Variants in BCAS3 observed in about 807,000 individuals in gnomAD.
BCAS3 encodes BCAS4/BCAS3 fusion.
A neutral mutation model predicts 116.1 loss-of-function variants in BCAS3; 53 were observed. The observed-to-expected ratio is 0.46, with a 90% CI of 0.37 to 0.57. The LOEUF is 0.57. Among genes scored for constraint, BCAS3 ranks in the 20% least tolerant of loss-of-function variants. The pLI is 0.00. For missense variants in BCAS3, 917 were observed against 1,165.4 expected, an observed-to-expected ratio of 0.79 and a Z score of 3.10; for synonymous variants, 391 against 408.2, an observed-to-expected ratio of 0.96 and a Z score of 0.51.
intron 13 of BCAS3, among the ~76,000 whole-genome samples, chr17:60,927,660 T>C (rs1392892946): frequency 6.6e-6 from 1 of 152,186 alleles, no homozygotes; most frequent in Non-Finnish European, 1.5e-5. Context: ...CTTGTTCTGG[T>C]ATTACATAAT....
intron 22 of BCAS3, among the ~76,000 whole-genome samples, chr17:61,090,977 A>G (rs1455463244): frequency 2.0e-5 from 3 of 152,180 alleles, no homozygotes; most frequent in African/African-American, 7.2e-5. Context: ...TAGTATTTAT[A>G]GGATGTTAGA....
chr17:60,718,268 T>C (rs1803257009), intron 5 of BCAS3, among the ~76,000 whole-genome samples: 1 of 150,882 alleles, frequency 6.6e-6, no homozygotes, highest in African/African-American at 2.4e-5. Context: ...TTTTTTCCAG[T>C]TTTTTTTTCA....
chr17:61,040,732 T>C, intron 18 of BCAS3, 60 bp from the exon 19 acceptor site: 2 of 1,352,672 alleles, frequency 1.5e-6, no homozygotes, highest in Non-Finnish European at 2.1e-6. Context: ...ATGACAGTCA[T>C]GGTGATTTAC....
At chr17:61,010,877 T>A (rs997182375) in intron 15 of BCAS3, among the ~76,000 whole-genome samples, 3 of 152,016 alleles carry the variant, frequency 2.0e-5, no homozygotes, top group African/African-American at 7.2e-5. Context: ...CAAGTTTATC[T>A]ATATAGAGTA....
intron 3 of BCAS3, among the ~76,000 whole-genome samples, chr17:60,686,357 T>C (rs1217488184): frequency 6.6e-6 from 1 of 152,142 alleles, no homozygotes; most frequent in Non-Finnish European, 1.5e-5. Context: ...GGAGCCTAGG[T>C]ATTCTCTGGG....
At chr17:60,844,118 C>A (rs142190569) in intron 7 of BCAS3, among the ~76,000 whole-genome samples, 9 of 152,092 alleles carry the variant, frequency 5.9e-5, no homozygotes, top group Non-Finnish European at 1.2e-4. Flanking sequence ...TATAGGCATG[C>A]GCCACCACAC....
At chr17:61,225,159 CT>C (rs5821313) in intron 22 of BCAS3, among the ~76,000 whole-genome samples, 20 of 142,236 alleles carry the variant, frequency 1.4e-4, no homozygotes, top group Admixed American at 3.5e-4. Flanking sequence ...ATCGCTCTGC[CT>C]TTTTTTTTTT....
chr17:60,773,558 A>G (rs1289076826), intron 6 of BCAS3, among the ~76,000 whole-genome samples: 1 of 151,992 alleles, frequency 6.6e-6, no homozygotes, highest in Non-Finnish European at 1.5e-5. Flanking sequence ...CTCACAAAGT[A>G]CTGGGATTAT....
chr17:60,852,086 G>A (rs1868814883), intron 7 of BCAS3, among the ~76,000 whole-genome samples: 1 of 151,946 alleles, frequency 6.6e-6, no homozygotes, highest in Admixed American at 6.6e-5. Context: ...TATGGAGTCA[G>A]TCCTGCATTT....
At chr17:60,702,573 AT>A (rs1897900154) in intron 4 of BCAS3, among the ~76,000 whole-genome samples, 1 of 152,078 alleles carries the variant, frequency 6.6e-6, no homozygotes. Flanking sequence ...CCTAAGGACT[AT>A]TGTTAAAAAA....
intron 11 of BCAS3, among the ~76,000 whole-genome samples, chr17:60,903,631 C>T (rs1046533364): frequency 6.6e-6 from 1 of 152,062 alleles, no homozygotes; most frequent in Non-Finnish European, 1.5e-5. Context: ...CAGGGTTTTG[C>T]CATGTTACGC....
chr17:60,825,417 G>T (rs923981549), intron 7 of BCAS3, among the ~76,000 whole-genome samples: 6 of 150,704 alleles, frequency 4.0e-5, no homozygotes, highest in Admixed American at 4.0e-4. Flanking sequence ...GGCTTTATAA[G>T]ATTTTGTGTC....
chr17:60,882,050 C>A (rs2056213146), intron 9 of BCAS3, among the ~76,000 whole-genome samples: 1 of 148,244 alleles, frequency 6.7e-6, no homozygotes, highest in African/African-American at 2.6e-5. Context: ...AGTTTACAGT[C>A]CCACCAACAG....
chr17:61,252,534 C>T (rs1955177232), intron 22 of BCAS3, among the ~76,000 whole-genome samples: 1 of 150,844 alleles, frequency 6.6e-6, no homozygotes, highest in South Asian at 2.1e-4. Flanking sequence ...GCAGGCATTC[C>T]AGGGCCACGG....
intron 22 of BCAS3, among the ~76,000 whole-genome samples, chr17:61,252,802 T>C (rs1475906226): frequency 6.6e-6 from 1 of 152,170 alleles, no homozygotes; most frequent in Non-Finnish European, 1.5e-5. Flanking sequence ...ACACACTGGC[T>C]TCTACCTCAC....
At chr17:60,903,980 G>T (rs768157463) in intron 11 of BCAS3, among the ~76,000 whole-genome samples, 10 of 152,160 alleles carry the variant, frequency 6.6e-5, no homozygotes, top group African/African-American at 1.4e-4. Context: ...TTTAGTTATG[G>T]AATGGAGGAT....
At chr17:60,725,377 C>G (rs1239414746) in intron 5 of BCAS3, among the ~76,000 whole-genome samples, 1 of 152,166 alleles carries the variant, frequency 6.6e-6, no homozygotes, top group Non-Finnish European at 1.5e-5. Flanking sequence ...GCCCTTCTTG[C>G]TAACATCTAT....
Position 61,367,172 on chromosome 17 carries a change from G to A in BCAS3, c.2426-1155G>A, listed in dbSNP as rs573522475. Among the ~76,000 whole-genome samples, 1 of 152,210 alleles carries A rather than the reference G, an allele frequency of 6.6e-6. No homozygotes were observed. Among genetic ancestry groups the A allele is most frequent in the Admixed American group, 6.5e-5 (1 of 15,282 alleles). ...AGGCCTGATAAAGAGTGCGTGTTTC[G>A]TGTACTTTTAACTTTGGGAAACGTT... On this transcript the variant is annotated intron_variant, in intron 22 of 23. Transcript: ENST00000407086. The surrounding 1 kb of genome is among the most constrained non-coding windows in gnomAD (Gnocchi z 6.2).
chr17:61,327,171 C>T lies in BCAS3; in HGVS notation c.2426-41156C>T, dbSNP rs1038843820. Among the ~76,000 whole-genome samples the T allele has an allele frequency of 2.6e-5, 4 of 151,768 alleles. No individual in the cohort carries two copies. The highest frequency in any genetic ancestry group is 2.1e-4 in the South Asian group (1 of 4,806). On this transcript the variant is annotated intron_variant, in intron 22 of 23. Transcript: ENST00000407086. The surrounding 1 kb of genome is among the most constrained non-coding windows in gnomAD (Gnocchi z 5.9). Reference sequence around the variant, plus strand: ...TACAAAAATTAGCTGGGTGTGGTGGCGGGCGCCTGTAGTCCCAGCTACTAG... The same window carrying T: ...TACAAAAATTAGCTGGGTGTGGTGGTGGGCGCCTGTAGTCCCAGCTACTAG...
Sources: allele counts gnomAD v4.1 joint callset (sites outside exome capture counted in the v4.1 genomes callset), GRCh38; gene constraint gnomAD v4.1.1; non-coding constraint Gnocchi (gnomAD v3.1); transcripts MANE v1.5; gene names NCBI Gene and HGNC (gene_info 2026-07-23, HGNC 2026-07-21).